LPP: variants seen among roughly 807,000 people sequenced by gnomAD.
The protein encoded by LPP is lipoma-preferred partner.
In LPP, 38 loss-of-function variants were observed where a neutral mutation model predicts 60.4. That is an observed-to-expected ratio of 0.63 (90% CI 0.49 to 0.83). LPP has a LOEUF of 0.83. LPP is among the 40% of genes least tolerant of loss of function. The pLI, the probability that LPP is intolerant of heterozygous loss-of-function variation, is 0.00. For synonymous variants in LPP, 328 were observed against 290.8 expected (o/e 1.13, Z -1.30); for missense variants, 902 against 783.6 (o/e 1.15, Z -1.80).
rs1377256544 is a variant in LPP, at chr3:188,203,499, A to ATATTTT, written c.-189-21904_-189-21903insTTTTTA. Reference sequence around the variant, plus strand: ...AATATATATATATTTTTAAATATATATAAATATATATATTTAAATATATAT... The same window carrying ATATTTT: ...AATATATATATATTTTTAAATATATATATTTTTAAATATATATATTTAAATATATAT... On this transcript the variant is annotated intron_variant, in intron 1 of 11. Transcript: ENST00000617246. 2.7e-3 allele frequency among the ~76,000 whole-genome samples: 173 copies of ATATTTT among 63,180 alleles called. 1 individual carries two copies. Among genetic ancestry groups the ATATTTT allele is most frequent in the African/African-American group, 9.1e-3 (159 of 17,568 alleles). The allele number at this position is 63,180 out of a possible 152,430, so 41.4% of individuals were successfully genotyped here.
chr3:188,529,131 A>T (rs1174565652), intron 6 of LPP, among the ~76,000 whole-genome samples: 1 of 152,206 alleles, frequency 6.6e-6, no homozygotes, highest in Non-Finnish European at 1.5e-5. Context: ...GGTGGAACTG[A>T]ATTAGATGTG....
At chr3:188,243,510 G>T (rs1328489997) in intron 2 of LPP, among the ~76,000 whole-genome samples, 15 of 152,194 alleles carry the variant, frequency 9.9e-5, no homozygotes. Context: ...TGCACGGAAA[G>T]CTGCGAAATA....
chr3:188,866,097 G>A (rs1766517128), intron 9 of LPP, 103 bp from the exon 10 acceptor site: 2 of 836,774 alleles, frequency 2.4e-6, no homozygotes. Flanking sequence ...TCCTTAGAGT[G>A]GTGTGATAAG....
At chr3:188,688,648 A>G (rs1012582018) in intron 7 of LPP, 2 of 396,202 alleles carry the variant, frequency 5.0e-6, no homozygotes, top group African/African-American at 4.3e-5. Flanking sequence ...TCAGATGAGT[A>G]ATATAATTAG....
chr3:188,239,732 T>G (rs959236894), intron 2 of LPP: 4 of 217,718 alleles, frequency 1.8e-5, no homozygotes, highest in African/African-American at 9.0e-5. Context: ...AATAAACAAA[T>G]AAACAAGCAC....
intron 8 of LPP, among the ~76,000 whole-genome samples, chr3:188,715,956 G>A (rs753565175): frequency 2.1e-4 from 32 of 152,162 alleles, no homozygotes; most frequent in Non-Finnish European, 4.3e-4. Context: ...GCATAGAGCT[G>A]TAATTATCTT....
At chr3:188,442,836 G>T (rs1794340062) in intron 4 of LPP, among the ~76,000 whole-genome samples, 2 of 152,144 alleles carry the variant, frequency 1.3e-5, no homozygotes, top group South Asian at 2.1e-4. Context: ...AGATTGAGGG[G>T]TTTCGTCTTG....
At chr3:188,564,689 C>G (rs941783769) in intron 6 of LPP, among the ~76,000 whole-genome samples, 11 of 151,782 alleles carry the variant, frequency 7.2e-5, no homozygotes, top group African/African-American at 2.7e-4. Context: ...GAAGGAAGTC[C>G]AAAAACCCAT....
intron 8 of LPP, among the ~76,000 whole-genome samples, chr3:188,721,149 C>T (rs143761600): frequency 1.6e-3 from 240 of 151,944 alleles, no homozygotes; most frequent in Non-Finnish European, 2.7e-3. Flanking sequence ...ACTTTTTATC[C>T]GACTTTGTCT....
intron 7 of LPP, among the ~76,000 whole-genome samples, chr3:188,611,166 G>A (rs1383736515): frequency 6.6e-6 from 1 of 152,214 alleles, no homozygotes; most frequent in Non-Finnish European, 1.5e-5. Context: ...AGTGGGGACT[G>A]TGAAGAGCTG....
intron 9 of LPP, among the ~76,000 whole-genome samples, chr3:188,810,283 T>C (rs1450977627): frequency 6.6e-6 from 1 of 152,130 alleles, no homozygotes; most frequent in Admixed American, 6.5e-5. Context: ...AGTGTTCACA[T>C]CCTGTCTCTC....
chr3:188,558,160 C>T (rs1225480436), intron 6 of LPP, among the ~76,000 whole-genome samples: 2 of 152,052 alleles, frequency 1.3e-5, no homozygotes, highest in African/African-American at 2.4e-5. Flanking sequence ...AAACTAACTC[C>T]CTCATTCTGG....
intron 3 of LPP, among the ~76,000 whole-genome samples, chr3:188,350,974 A>T (rs1480695071): frequency 6.6e-6 from 1 of 152,176 alleles, no homozygotes; most frequent in African/African-American, 2.4e-5. Context: ...CTCCCACGAA[A>T]GTCATCCCTG....
chr3:188,613,520 AAGT>A (rs1212626498), intron 7 of LPP, among the ~76,000 whole-genome samples: 6 of 152,128 alleles, frequency 3.9e-5, no homozygotes, highest in African/African-American at 1.4e-4. Context: ...TAATGTGTAG[AAGT>A]GCTGGGGCTG....
At chr3:188,377,178 T>C (rs958207038) in intron 3 of LPP, among the ~76,000 whole-genome samples, 2 of 152,186 alleles carry the variant, frequency 1.3e-5, no homozygotes, top group East Asian at 1.9e-4. Flanking sequence ...CTGACAAATA[T>C]ATGTCTTGGA....
At position 188,886,656 on chromosome 3, in the gene LPP, G is replaced by A. The variant is rs9682864; in HGVS notation, c.*12177G>A. Reference sequence around the variant, plus strand: ...AAAGAAAAAACTAATAAAAATTTTCGTATTTCACTTTACATAATATGTTCT... The same window carrying A: ...AAAGAAAAAACTAATAAAAATTTTCATATTTCACTTTACATAATATGTTCT... On this transcript the variant is annotated 3_prime_UTR_variant, in exon 12 of 12. Transcript: ENST00000617246. 0.21 allele frequency: 43,970 copies of A among 214,014 alleles called. 6,576 individuals carry two copies. Among genetic ancestry groups the A allele is most frequent in the East Asian group, 0.48 (6,981 of 14,402 alleles). 13.3% of individuals were successfully genotyped at this position (214,014 alleles called of 1,614,324 possible).
intron 3 of LPP, among the ~76,000 whole-genome samples, chr3:188,348,909 T>C: frequency 6.6e-6 from 1 of 152,124 alleles, no homozygotes; most frequent in Non-Finnish European, 1.5e-5. Context: ...TGCTGTGAAG[T>C]CACTCCTTGG....
intron 7 of LPP, among the ~76,000 whole-genome samples, chr3:188,706,596 A>G (rs919392657): frequency 1.6e-4 from 24 of 152,254 alleles, no homozygotes; most frequent in African/African-American, 5.5e-4. Context: ...CGCTTTAGAC[A>G]TCACACAAAT....
chr3:188,362,459 T>C, intron 3 of LPP, among the ~76,000 whole-genome samples: 1 of 152,216 alleles, frequency 6.6e-6, no homozygotes, highest in African/African-American at 2.4e-5. Context: ...CACCGTTGCC[T>C]TACTCTCACT....
Sources: allele counts gnomAD v4.1 joint callset (sites outside exome capture counted in the v4.1 genomes callset), GRCh38; gene constraint gnomAD v4.1.1; transcripts MANE v1.5; gene names NCBI Gene and HGNC (gene_info 2026-07-23, HGNC 2026-07-21).